The following DHRS12 variants were observed in gnomAD, a reference collection of about 807,000 sequenced individuals.
DHRS12 encodes the protein dehydrogenase/reductase SDR family member 12.
A neutral mutation model predicts 32.1 loss-of-function variants in DHRS12; 29 were observed. The ratio of observed to expected loss-of-function variants is 0.90; its 90% CI spans 0.67 to 1.23. The LOEUF (loss-of-function observed/expected upper bound fraction) is 1.23. Among genes scored for constraint, DHRS12 ranks in the 50% most tolerant of loss-of-function variants. The pLI is 0.00. For synonymous variants in DHRS12, 150 were observed against 135.9 expected (o/e 1.10, Z -0.72); for missense variants, 330 against 337.2 (o/e 0.98, Z 0.17).
intron 2 of DHRS12, among the ~76,000 whole-genome samples, chr13:51,795,689 G>A (rs1314795715): frequency 6.6e-6 from 1 of 152,206 alleles, no homozygotes; most frequent in Admixed American, 6.5e-5. Context: ...TGTGGCCTGA[G>A]CCCAGGAACC....
At position 51,768,174 on chromosome 13, in the gene DHRS12, TGTCTGGGTTG is replaced by T; in HGVS notation, c.*3_*12del. 1 of 1,536,146 alleles carries T rather than the reference TGTCTGGGTTG, an allele frequency of 6.5e-7. No individual in the cohort carries two copies. Among genetic ancestry groups the T allele is most frequent in the South Asian group, 1.2e-5 (1 of 84,060 alleles). On this transcript the variant is annotated 3_prime_UTR_variant, in exon 9 of 9. Transcript: ENST00000444610. Reference sequence around the variant, plus strand: ...CTAAGGCAATTCTGGTACCGCACTGTGTCTGGGTTGGCCTATTTAAATGTCTGAGCCAGCT... The same window carrying T: ...CTAAGGCAATTCTGGTACCGCACTGTGCCTATTTAAATGTCTGAGCCAGCT...
At position 51,804,096 on chromosome 13, in the gene DHRS12, C is replaced by T. The variant is rs1429060150; in HGVS notation, c.-51G>A. The T allele has an allele frequency of 1.1e-5, 17 of 1,494,152 alleles. No individual in the cohort carries two copies. The highest frequency in any genetic ancestry group is 1.4e-5 in the African/African-American group (1 of 68,998). 92.6% of individuals were successfully genotyped at this position (1,494,152 alleles called of 1,614,324 possible). A position where few individuals can be genotyped will look rare whatever the true frequency, so the allele number is the denominator to read the frequency against. ...CCCCTTGGCGAACCACACGACGCTG[C>T]GGTACAGGGACATGCCGGGAGCGCC... On this transcript the variant is annotated 5_prime_UTR_variant, in exon 1 of 9. Transcript: ENST00000444610.
intron 7 of DHRS12, among the ~76,000 whole-genome samples, 166 bp downstream of exon 7, chr13:51,771,655 C>T: frequency 6.6e-6 from 1 of 152,228 alleles, no homozygotes; most frequent in East Asian, 1.9e-4. Context: ...TATGAGGCTT[C>T]CCCCAGCTGC....
chr13:51,773,845 G>T, intron 6 of DHRS12, 85 bp downstream of exon 6: 1 of 1,143,118 alleles, frequency 8.7e-7, no homozygotes, highest in Non-Finnish European at 1.3e-6. Context: ...TCCGATTAAT[G>T]TGCATCCCAG....
chr13:51,757,636 T>TA, the DHRS12 span, among the ~76,000 whole-genome samples: 860 of 142,592 alleles, frequency 6.0e-3, 5 homozygotes, highest in African/African-American at 0.015. Flanking sequence ...TCTTCTTACT[T>TA]AAAAAAAAAA....
chr13:51,781,498 T>G (rs756530569), intron 4 of DHRS12, among the ~76,000 whole-genome samples: 8 of 152,130 alleles, frequency 5.3e-5, no homozygotes, highest in Non-Finnish European at 8.8e-5. Flanking sequence ...GTGACTAACC[T>G]ACACTCACGG....
At chr13:51,783,006 C>G (rs368739674) in intron 4 of DHRS12, among the ~76,000 whole-genome samples, 19 of 152,280 alleles carry the variant, frequency 1.2e-4, no homozygotes, top group Middle Eastern at 3.4e-3. Context: ...CACCATGGAG[C>G]TGCCGAGAAG....
rs1378495212 is a variant in DHRS12, at chr13:51,799,499, G to A, written c.126+35C>T. 1.9e-6 allele frequency: 3 copies of A among 1,610,758 alleles called. No individual in the cohort carries two copies. In the East Asian group the frequency reaches 6.7e-5, roughly 36 times the overall value. On this transcript the variant is annotated intron_variant, in intron 2 of 8. Transcript: ENST00000444610. ...GTGGACCGGCCGCAGTCTGGCCGTG[G>A]GGCTCAGTGGACACACGTGTTAGCA...
At chr13:51,788,295 AT>A (rs1955090255) in intron 4 of DHRS12, among the ~76,000 whole-genome samples, 1 of 152,016 alleles carries the variant, frequency 6.6e-6, no homozygotes, top group African/African-American at 2.4e-5. Flanking sequence ...ATGACCCCAC[AT>A]TTTGGTACTT....
intron 4 of DHRS12, chr13:51,777,355 T>C (rs540157637): frequency 1.9e-6 from 1 of 530,096 alleles, no homozygotes; most frequent in African/African-American, 1.9e-5. Context: ...ATGTCCACAC[T>C]ACAGGAATAC....
intron 4 of DHRS12, among the ~76,000 whole-genome samples, chr13:51,786,038 C>T (rs1954938787): frequency 6.6e-6 from 1 of 152,180 alleles, no homozygotes; most frequent in Non-Finnish European, 1.5e-5. Flanking sequence ...ACCTGGGGTC[C>T]CTGTGTCGAA....
In DHRS12 at chr13:51,768,228, G is replaced by C; in HGVS notation, c.766C>G (p.Leu256Val). ...ASSSPAEEEKLIEILEQLAQT... is the reference protein window; with the variant it reads ...ASSSPAEEEKVIEILEQLAQT... ...GCCAGCTGTTCCAGGATTTCAATGA[G>C]TTTCTCCTCTTCGGCCGGTGAGGAG... The change falls in exon 9 of 9, where the codon CTC becomes GTC. Residue 256 changes from leucine (L) to valine (V), a missense_variant. Physicochemically the swap from Leu to Val is conservative, Grantham distance 32. Coordinates refer to ENST00000444610, the MANE Select transcript of DHRS12 (RefSeq NM_001377533.1). The C allele has an allele frequency of 6.5e-7, 1 of 1,536,112 alleles. No homozygotes were observed. Among genetic ancestry groups the C allele is most frequent in the Non-Finnish European group, 8.7e-7 (1 of 1,146,912 alleles).
chr13:51,801,229 C>T (rs751331225), intron 1 of DHRS12, among the ~76,000 whole-genome samples: 5 of 152,204 alleles, frequency 3.3e-5, no homozygotes, highest in Non-Finnish European at 7.3e-5. Flanking sequence ...CCCTGTCGCC[C>T]AGGATGGAGT....
chr13:51,776,818 C>T (rs933006075), intron 5 of DHRS12, among the ~76,000 whole-genome samples: 18 of 151,994 alleles, frequency 1.2e-4, no homozygotes, highest in Admixed American at 3.3e-4. Flanking sequence ...AGTGCTTTGC[C>T]GACACCCACG....
chr13:51,775,959 ATT>A, intron 5 of DHRS12: 4 of 108,616 alleles, frequency 3.7e-5, no homozygotes, highest in African/African-American at 1.9e-4. Context: ...TCCTACATGT[ATT>A]CTACAGTATT....
At chr13:51,756,423 G>C in the DHRS12 span, 1 of 1,614,124 alleles carries the variant, frequency 6.2e-7, no homozygotes, top group Non-Finnish European at 8.5e-7. Context: ...TTTGAAGTGA[G>C]GGTCTGTGAC....
intron 8 of DHRS12, 29 bp downstream of exon 8, chr13:51,769,127 G>A: frequency 6.5e-7 from 1 of 1,548,654 alleles, no homozygotes; most frequent in Non-Finnish European, 8.7e-7. Context: ...CCCTGTGTCA[G>A]CTGCCTTCAC....
At chr13:51,756,263 G>A in the DHRS12 span, 1 of 1,548,578 alleles carries the variant, frequency 6.5e-7, no homozygotes, top group East Asian at 2.3e-5. Context: ...CTGCCAGGAG[G>A]GGTGAGATGC....
intron 2 of DHRS12, among the ~76,000 whole-genome samples, chr13:51,793,991 C>T (rs1005410281): frequency 3.3e-5 from 5 of 152,290 alleles, no homozygotes; most frequent in Admixed American, 6.5e-5. Flanking sequence ...AAATCAGCCA[C>T]GGAGCTGGTG....
Sources: allele counts gnomAD v4.1 joint callset (sites outside exome capture counted in the v4.1 genomes callset), GRCh38; gene constraint gnomAD v4.1.1; transcripts MANE v1.5; gene names NCBI Gene and HGNC (gene_info 2026-07-23, HGNC 2026-07-21).